FNDC3B: variants seen among roughly 807,000 people sequenced by gnomAD.
FNDC3B encodes fibronectin type III domain-containing protein 3B.
A neutral mutation model predicts 151.5 loss-of-function variants in FNDC3B; 12 were observed. The observed-to-expected ratio is 0.08, with a 90% CI of 0.05 to 0.13. The LOEUF is 0.13. FNDC3B is among the 10% of genes least tolerant of loss of function. FNDC3B has a pLI of 1.00. For missense variants in FNDC3B, 1,214 were observed against 1,505.3 expected, an observed-to-expected ratio of 0.81 and a Z score of 3.20; for synonymous variants, 528 against 549.0, an observed-to-expected ratio of 0.96 and a Z score of 0.54.
At chr3:172,097,189 TA>T (rs1455591027) in intron 1 of FNDC3B, among the ~76,000 whole-genome samples, 3 of 152,192 alleles carry the variant, frequency 2.0e-5, no homozygotes, top group Non-Finnish European at 2.9e-5. Flanking sequence ...ACTTGTTATC[TA>T]AAAAAAGTAA....
chr3:172,149,273 A>G (rs994744887), intron 3 of FNDC3B, among the ~76,000 whole-genome samples: 6 of 152,224 alleles, frequency 3.9e-5, no homozygotes, highest in Admixed American at 3.3e-4. Flanking sequence ...TCAATTAACT[A>G]GATTCTTAAA....
At chr3:172,234,229 T>C (rs2108751743) in intron 4 of FNDC3B, among the ~76,000 whole-genome samples, 1 of 152,342 alleles carries the variant, frequency 6.6e-6, no homozygotes, top group South Asian at 2.1e-4. Context: ...ATTTTAGGAA[T>C]ATTAAGTGAT....
chr3:172,355,039 T>G (rs1734028628), intron 22 of FNDC3B, among the ~76,000 whole-genome samples: 1 of 152,094 alleles, frequency 6.6e-6, no homozygotes, highest in African/African-American at 2.4e-5. Context: ...TATAGCAAAC[T>G]ACCCATTGGC....
intron 16 of FNDC3B, among the ~76,000 whole-genome samples, chr3:172,340,663 C>T (rs1685291482): frequency 6.6e-6 from 1 of 152,166 alleles, no homozygotes; most frequent in African/African-American, 2.4e-5. Flanking sequence ...CCTTTGACCT[C>T]TAGGCAGATA....
chr3:172,241,056 T>C (rs2108761661), intron 4 of FNDC3B, among the ~76,000 whole-genome samples: 1 of 152,314 alleles, frequency 6.6e-6, no homozygotes. Context: ...CTGGCTTCTA[T>C]TAGCCATCAG....
At chr3:172,273,421 C>A (rs1453963033) in intron 6 of FNDC3B, among the ~76,000 whole-genome samples, 1 of 152,222 alleles carries the variant, frequency 6.6e-6, no homozygotes, top group Non-Finnish European at 1.5e-5. Context: ...TAATCACAGG[C>A]TCCCTGCTCC....
At chr3:172,200,476 G>A (rs773197575) in intron 3 of FNDC3B, among the ~76,000 whole-genome samples, 11 of 152,182 alleles carry the variant, frequency 7.2e-5, no homozygotes, top group Non-Finnish European at 1.5e-4. Flanking sequence ...ATGAGTACCC[G>A]TGCAAACCAT....
chr3:172,089,022 C>G (rs1237636811), intron 1 of FNDC3B, among the ~76,000 whole-genome samples: 2 of 152,126 alleles, frequency 1.3e-5, no homozygotes, highest in East Asian at 3.8e-4. Flanking sequence ...AAGGCATTGA[C>G]AAGAGCACTG....
chr3:172,396,877 A>G lies in FNDC3B; in HGVS notation c.3304-287A>G, dbSNP rs370914841. Among the ~76,000 whole-genome samples the G allele has an allele frequency of 3.9e-3, 591 of 152,294 alleles. 6 individuals are homozygous for G. Among genetic ancestry groups the G allele is most frequent in the South Asian group, 0.026 (125 of 4,824 alleles). On this transcript the variant is annotated intron_variant, in intron 25 of 25. Transcript: ENST00000415807. ...ACCTAAATTATTAAAATTTAGTGAG[A>G]TGCATCCTTACTACTTAAAATGTCA...
chr3:172,139,709 A>T (rs1721523818), intron 3 of FNDC3B, among the ~76,000 whole-genome samples: 1 of 152,120 alleles, frequency 6.6e-6, no homozygotes, highest in South Asian at 2.1e-4. Flanking sequence ...TTAGGATTTT[A>T]GGAGCTTGTT....
chr3:172,070,662 G>A lies in FNDC3B; in HGVS notation c.-29+30891G>A, dbSNP rs575005559. ...AAAACACCTTACACTTTTCTTAGAT[G>A]AGCTTTTTAAAAACATTGTAATTTA... On this transcript the variant is annotated intron_variant, in intron 1 of 25. Coordinates refer to ENST00000415807, the MANE Select transcript of FNDC3B (RefSeq NM_022763.4). 9.2e-5 allele frequency among the ~76,000 whole-genome samples: 14 copies of A among 152,262 alleles called. No homozygotes were observed. The South Asian group carries it at 2.9e-3, about 32-fold the overall frequency.
intron 3 of FNDC3B, among the ~76,000 whole-genome samples, chr3:172,146,458 A>G (rs1721911139): frequency 6.6e-6 from 1 of 152,150 alleles, no homozygotes; most frequent in African/African-American, 2.4e-5. Context: ...GTCTGAGCCC[A>G]GGGGAATTGT....
chr3:172,120,070 T>C (rs1030632214), intron 2 of FNDC3B, among the ~76,000 whole-genome samples: 2 of 152,226 alleles, frequency 1.3e-5, no homozygotes, highest in African/African-American at 2.4e-5. Context: ...AAGGAAAATG[T>C]TGATGCCATG....
intron 2 of FNDC3B, among the ~76,000 whole-genome samples, chr3:172,131,656 C>G (rs994476480): frequency 6.6e-6 from 1 of 152,018 alleles, no homozygotes; most frequent in African/African-American, 2.4e-5. Context: ...AATGTATTTT[C>G]TGATTTAAAA....
At chr3:172,093,022 T>C (rs978049344) in intron 1 of FNDC3B, among the ~76,000 whole-genome samples, 1 of 152,122 alleles carries the variant, frequency 6.6e-6, no homozygotes, top group Non-Finnish European at 1.5e-5. Context: ...CTTTCTATGT[T>C]GTCCAGGCTG....
intron 23 of FNDC3B, among the ~76,000 whole-genome samples, chr3:172,373,994 A>G (rs1339812282): frequency 6.6e-6 from 1 of 152,232 alleles, no homozygotes; most frequent in Non-Finnish European, 1.5e-5. Context: ...ACCAGAAAGA[A>G]ACTTAGAATC....
At chr3:172,098,002 T>C (rs1314385680) in intron 1 of FNDC3B, among the ~76,000 whole-genome samples, 1 of 151,964 alleles carries the variant, frequency 6.6e-6, no homozygotes, top group African/African-American at 2.4e-5. Flanking sequence ...TCCTTTGAGC[T>C]GGAGCTGCAA....
chr3:172,102,600 G>A (rs988496344), intron 1 of FNDC3B, among the ~76,000 whole-genome samples: 2 of 152,200 alleles, frequency 1.3e-5, no homozygotes, highest in African/African-American at 2.4e-5. Flanking sequence ...GACACAGAGA[G>A]CTTACATAGG....
At chr3:172,176,687 C>G (rs1015597417) in intron 3 of FNDC3B, among the ~76,000 whole-genome samples, 1 of 152,168 alleles carries the variant, frequency 6.6e-6, no homozygotes, top group Non-Finnish European at 1.5e-5. Flanking sequence ...TCATCTGAAA[C>G]TGTAGCTTAG....
Sources: gnomAD v4.1 joint callset for allele counts (sites outside exome capture counted in the v4.1 genomes callset) on GRCh38, gnomAD v4.1.1 for gene constraint, MANE v1.5 for transcripts, NCBI Gene and HGNC (gene_info 2026-07-23, HGNC 2026-07-21) for gene names.